Variants in CDH13 observed in about 807,000 individuals in gnomAD.
The protein encoded by CDH13 is cadherin-13.
Under a neutral mutation model 63.8 loss-of-function variants are expected in CDH13, and 24 were observed. The observed-to-expected ratio is 0.38, with a 90% CI of 0.27 to 0.53. CDH13 has a LOEUF of 0.53. Ranked by LOEUF, CDH13 falls within the 20% of genes least tolerant of loss-of-function variation. CDH13 has a pLI of 0.85. For synonymous variants in CDH13, 503 were observed against 355.3 expected (o/e 1.42, Z -4.67); for missense variants, 1,049 against 903.1 (o/e 1.16, Z -2.07).
chr16:83,269,874 C>G (rs538804096), intron 5 of CDH13, among the ~76,000 whole-genome samples: 302 of 152,272 alleles, frequency 2.0e-3, no homozygotes, highest in Non-Finnish European at 3.4e-3. Flanking sequence ...ATTTGTCTGT[C>G]CTGCTTCCTC....
chr16:83,328,964 T>C (rs180774323), intron 5 of CDH13, among the ~76,000 whole-genome samples: 1 of 152,284 alleles, frequency 6.6e-6, no homozygotes, highest in Non-Finnish European at 1.5e-5. Flanking sequence ...GTAAGCAAGT[T>C]TGTCAAACCT....
chr16:83,561,370 G>A (rs1359883535), intron 7 of CDH13, among the ~76,000 whole-genome samples: 7 of 149,486 alleles, frequency 4.7e-5, no homozygotes, highest in African/African-American at 1.7e-4. Context: ...AGGTTGTGGT[G>A]AGCTGAGATT....
chr16:83,753,461 C>T (rs561749040), intron 11 of CDH13, among the ~76,000 whole-genome samples: 244 of 152,242 alleles, frequency 1.6e-3, no homozygotes, highest in African/African-American at 5.4e-3. Context: ...AGGAGGATCA[C>T]CTGAACCCAG....
At chr16:83,319,533 C>T (rs546246993) in intron 5 of CDH13, among the ~76,000 whole-genome samples, 2 of 152,126 alleles carry the variant, frequency 1.3e-5, no homozygotes, top group Non-Finnish European at 2.9e-5. Flanking sequence ...CAGTAAATCA[C>T]GACTTTACGA....
At chr16:83,242,392 A>G (rs1337934084) in intron 5 of CDH13, among the ~76,000 whole-genome samples, 1 of 152,160 alleles carries the variant, frequency 6.6e-6, no homozygotes, top group Non-Finnish European at 1.5e-5. Flanking sequence ...GCCATATGAA[A>G]GTGCCGTTAG....
chr16:82,790,890 T>C (rs1301073159), intron 1 of CDH13, among the ~76,000 whole-genome samples: 2 of 152,180 alleles, frequency 1.3e-5, no homozygotes, highest in Non-Finnish European at 2.9e-5. Context: ...TCCCTTGACA[T>C]ATGTGGATTG....
At chr16:83,656,509 T>C (rs1429503519) in intron 8 of CDH13, among the ~76,000 whole-genome samples, 2 of 152,074 alleles carry the variant, frequency 1.3e-5, no homozygotes, top group African/African-American at 4.8e-5. Context: ...AGGCAGGGCA[T>C]GGAAGTTCTC....
chr16:83,049,615 G>T (rs28704923), intron 3 of CDH13, among the ~76,000 whole-genome samples: 75 of 152,068 alleles, frequency 4.9e-4, no homozygotes, highest in African/African-American at 1.7e-3. Context: ...GATTACAGGC[G>T]TGAATGACTG....
At chr16:83,320,432 C>T (rs576559366) in intron 5 of CDH13, among the ~76,000 whole-genome samples, 104 of 152,290 alleles carry the variant, frequency 6.8e-4, no homozygotes, top group African/African-American at 2.3e-3. Context: ...TGTTGTCACC[C>T]AGGCATTGCT....
At chr16:82,779,119 T>C (rs2035632387) in intron 1 of CDH13, among the ~76,000 whole-genome samples, 1 of 152,200 alleles carries the variant, frequency 6.6e-6, no homozygotes, top group Non-Finnish European at 1.5e-5. Flanking sequence ...CTGAAAACTA[T>C]TTTTTAAATG....
rs530733175 is a variant in CDH13, at chr16:82,636,122, G to C, written c.45+8985G>C. ...ATTCAGATAATCCAAGAGACATTTA[G>C]GTGGATAACTTGACAGGCTTTGATG... On this transcript the variant is annotated intron_variant, in intron 1 of 13. Transcript: ENST00000567109. Among the ~76,000 whole-genome samples the C allele has an allele frequency of 1.1e-4, 16 of 152,266 alleles. 1 individual carries two copies. The South Asian group carries it at 2.1e-3, about 20-fold the overall frequency.
intron 1 of CDH13, among the ~76,000 whole-genome samples, chr16:82,854,771 G>T (rs1399744411): frequency 6.6e-6 from 1 of 152,164 alleles, no homozygotes. Flanking sequence ...CTCCCAGAGA[G>T]ATCTATATTT....
intron 5 of CDH13, among the ~76,000 whole-genome samples, chr16:83,302,609 A>G (rs1297672161): frequency 6.6e-6 from 1 of 152,214 alleles, no homozygotes; most frequent in African/African-American, 2.4e-5. Flanking sequence ...AACATCTGAT[A>G]TTTACCAGGA....
intron 1 of CDH13, among the ~76,000 whole-genome samples, chr16:82,857,879 G>C (rs1289320727): frequency 6.6e-6 from 1 of 152,144 alleles, no homozygotes; most frequent in Admixed American, 6.5e-5. Flanking sequence ...GCCACCGGTG[G>C]TTCATGGTCA....
At position 83,202,185 on chromosome 16, in the gene CDH13, T is replaced by A. The variant is rs1262583611; in HGVS notation, c.484-15160T>A. Among the ~76,000 whole-genome samples the A allele has an allele frequency of 2.6e-5, 4 of 152,230 alleles. No homozygotes were observed. In the East Asian group the frequency reaches 5.8e-4, roughly 22 times the overall value. On this transcript the variant is annotated intron_variant, in intron 4 of 13. Coordinates refer to ENST00000567109, the MANE Select transcript of CDH13 (RefSeq NM_001257.5). ...AATCCCAGGCTTCCGAAAGAAATGA[T>A]CTTGCCAGGCTCAGCTTTGGATAGG...
chr16:83,706,562 C>T (rs7205784), intron 10 of CDH13, among the ~76,000 whole-genome samples: 38,617 of 152,122 alleles, frequency 0.25, 5,504 homozygotes, highest in Middle Eastern at 0.46. Flanking sequence ...ATCAGTGAAC[C>T]CTTTACTGCT....
At chr16:83,115,930 C>T (rs1301411004) in intron 3 of CDH13, among the ~76,000 whole-genome samples, 4 of 152,196 alleles carry the variant, frequency 2.6e-5, no homozygotes, top group African/African-American at 7.2e-5. Flanking sequence ...TGAATGTCAG[C>T]GTATTTAGGA....
intron 2 of CDH13, among the ~76,000 whole-genome samples, chr16:82,891,493 A>C (rs7204227): frequency 0.037 from 5,656 of 152,250 alleles, 355 homozygotes; most frequent in African/African-American, 0.13. Context: ...TTCACTGGGC[A>C]TATATTTTGG....
chr16:82,843,994 A>G (rs1383344453), intron 1 of CDH13, among the ~76,000 whole-genome samples: 1 of 152,212 alleles, frequency 6.6e-6, no homozygotes, highest in Non-Finnish European at 1.5e-5. Context: ...AGCTGTACTT[A>G]TAGAACTTTC....
Sources: allele counts gnomAD v4.1 joint callset (sites outside exome capture counted in the v4.1 genomes callset), GRCh38; gene constraint gnomAD v4.1.1; transcripts MANE v1.5; gene names NCBI Gene and HGNC (gene_info 2026-07-23, HGNC 2026-07-21).